The following PPFIBP2 variants were observed in gnomAD, a reference collection of about 807,000 sequenced individuals.
PPFIBP2 encodes liprin-beta-2.
PPFIBP2 carries 118 observed loss-of-function variants against 118.3 expected under a neutral mutation model. The observed-to-expected ratio is 1.00, with a 90% CI of 0.86 to 1.16. The LOEUF (loss-of-function observed/expected upper bound fraction) is 1.16, where lower values mean the gene tolerates loss of function less well. Ranked by LOEUF, PPFIBP2 falls within the 50% of genes most tolerant of loss-of-function variation. The pLI is 0.00. For missense variants in PPFIBP2, 1,195 were observed against 1,073.1 expected (o/e 1.11, Z -1.59); for synonymous variants, 414 against 397.4 (o/e 1.04, Z -0.50).
intron 1 of PPFIBP2, among the ~76,000 whole-genome samples, chr11:7,518,721 A>T (rs1849460298): frequency 6.6e-6 from 1 of 152,168 alleles, no homozygotes; most frequent in Admixed American, 6.5e-5. Context: ...AAATGAACCG[A>T]GTCTTTTGTT....
At chr11:7,606,832 A>T (rs1049388590) in intron 5 of PPFIBP2, among the ~76,000 whole-genome samples, 2 of 151,602 alleles carry the variant, frequency 1.3e-5, no homozygotes, top group African/African-American at 2.4e-5. Context: ...GAAACTTTAA[A>T]AAATCACATC....
At chr11:7,625,222 A>G (rs1849832179) in intron 7 of PPFIBP2, among the ~76,000 whole-genome samples, 1 of 152,200 alleles carries the variant, frequency 6.6e-6, no homozygotes, top group African/African-American at 2.4e-5. Flanking sequence ...GAGGTTGGGC[A>G]GAGGCAGTGA....
At chr11:7,597,450 C>G (rs1263737217) in intron 4 of PPFIBP2, 110 bp from the exon 5 acceptor site, 9 of 1,536,552 alleles carry the variant, frequency 5.9e-6, no homozygotes, top group Non-Finnish European at 6.2e-6. Context: ...AAATCGTTCA[C>G]TGTGTGTAAG....
At chr11:7,572,119 T>C in intron 3 of PPFIBP2, 1 of 152,200 alleles carries the variant, frequency 6.6e-6, no homozygotes, top group East Asian at 1.9e-4. Flanking sequence ...CCTGGGATCA[T>C]AGACCTGACC....
chr11:7,594,932 A>G (rs1023702652), intron 4 of PPFIBP2, among the ~76,000 whole-genome samples: 43 of 151,768 alleles, frequency 2.8e-4, no homozygotes, highest in Middle Eastern at 3.4e-3. Flanking sequence ...AAAAAAAAAA[A>G]AAAAAGAAAA....
intron 14 of PPFIBP2, among the ~76,000 whole-genome samples, chr11:7,638,981 G>C (rs7130395): frequency 0.086 from 13,151 of 152,244 alleles, 661 homozygotes; most frequent in African/African-American, 0.14. Flanking sequence ...CTTGTTGTCA[G>C]CTCCCCCAAG....
intron 3 of PPFIBP2, among the ~76,000 whole-genome samples, chr11:7,582,074 A>G (rs1857345533): frequency 6.6e-6 from 1 of 151,958 alleles, no homozygotes; most frequent in Non-Finnish European, 1.5e-5. Context: ...CTGATCTCAG[A>G]TGATGCGCCC....
rs1418424208 is a variant in PPFIBP2 at position 7,597,464 on chromosome 11, CAG to C, written c.373-95_373-94del. The C allele has an allele frequency of 2.0e-6, 3 of 1,531,844 alleles. No homozygotes were observed. The East Asian group carries it at 7.3e-5, about 37-fold the overall frequency. The allele number at this position is 1,531,844 out of a possible 1,614,324, so 94.9% of individuals were successfully genotyped here. ...AAAATCGTTCACTGTGTGTAAGAGT[CAG>C]TGGTGAGATTTAACGGCTCCCCTGA... On this transcript the variant is annotated intron_variant, in intron 4 of 23. Coordinates refer to ENST00000299492, the MANE Select transcript of PPFIBP2 (RefSeq NM_003621.5).
At chr11:7,528,531 T>A (rs911275615) in intron 1 of PPFIBP2, among the ~76,000 whole-genome samples, 3 of 152,184 alleles carry the variant, frequency 2.0e-5, no homozygotes, top group Non-Finnish European at 4.4e-5. Context: ...ACCTTACCTG[T>A]TTAGGATACC....
intron 6 of PPFIBP2, among the ~76,000 whole-genome samples, chr11:7,618,736 C>A (rs1350228480): frequency 6.6e-6 from 1 of 152,094 alleles, no homozygotes; most frequent in Non-Finnish European, 1.5e-5. Context: ...CACTTGCCAC[C>A]ACGCCCGGCT....
chr11:7,589,420 C>T (rs1215419689), intron 3 of PPFIBP2, among the ~76,000 whole-genome samples: 1 of 152,020 alleles, frequency 6.6e-6, no homozygotes, highest in African/African-American at 2.4e-5. Flanking sequence ...GGTGAAACCC[C>T]ATCTCTACCA....
At chr11:7,517,933 C>T (rs564966541) in intron 1 of PPFIBP2, among the ~76,000 whole-genome samples, 4 of 152,266 alleles carry the variant, frequency 2.6e-5, no homozygotes, top group Admixed American at 2.6e-4. Flanking sequence ...TGGGGTCCTC[C>T]GCAGAGGGGG....
intron 1 of PPFIBP2, among the ~76,000 whole-genome samples, chr11:7,541,354 A>G (rs1851755662): frequency 1.3e-5 from 2 of 152,194 alleles, no homozygotes. Context: ...GTAGTCATCT[A>G]GGGTGAGGTA....
At chr11:7,531,459 C>T (rs1023335601) in intron 1 of PPFIBP2, among the ~76,000 whole-genome samples, 7 of 152,138 alleles carry the variant, frequency 4.6e-5, no homozygotes, top group South Asian at 2.1e-4. Flanking sequence ...AGGTGGGATT[C>T]GACTTAGAGC....
chr11:7,648,294 T>C (rs1853422676), intron 17 of PPFIBP2, 93 bp from the exon 18 acceptor site: 1 of 1,378,554 alleles, frequency 7.3e-7, no homozygotes, highest in East Asian at 2.4e-5. Context: ...TGTTTTGTTT[T>C]TTCTTTTCTT....
At chr11:7,542,701 A>G (rs534888522) in intron 1 of PPFIBP2, among the ~76,000 whole-genome samples, 2 of 152,352 alleles carry the variant, frequency 1.3e-5, no homozygotes, top group Admixed American at 6.5e-5. Context: ...TCAATTTCAT[A>G]TGACTGAGGA....
intron 1 of PPFIBP2, among the ~76,000 whole-genome samples, chr11:7,542,616 G>C (rs1383274209): frequency 2.6e-5 from 4 of 152,066 alleles, no homozygotes; most frequent in Non-Finnish European, 4.4e-5. Flanking sequence ...GTCATTATCT[G>C]TTCTTATTGA....
At chr11:7,639,316 A>G (rs1851830821) in intron 14 of PPFIBP2, among the ~76,000 whole-genome samples, 1 of 152,174 alleles carries the variant, frequency 6.6e-6, no homozygotes, top group Non-Finnish European at 1.5e-5. Flanking sequence ...TTACATATAT[A>G]TGTATGTATG....
intron 14 of PPFIBP2, 68 bp from the exon 15 acceptor site, chr11:7,639,664 T>G: frequency 3.7e-6 from 6 of 1,602,884 alleles, no homozygotes; most frequent in Non-Finnish European, 5.1e-6. Flanking sequence ...TTGTTCTGTA[T>G]CCAAGGATTT....
Sources: gnomAD v4.1 joint callset for allele counts (sites outside exome capture counted in the v4.1 genomes callset) on GRCh38, gnomAD v4.1.1 for gene constraint, MANE v1.5 for transcripts, NCBI Gene and HGNC (gene_info 2026-07-23, HGNC 2026-07-21) for gene names.